The following PLCB1 variants were observed in gnomAD, a reference collection of about 807,000 sequenced individuals.
PLCB1 encodes the protein 1-phosphatidylinositol 4,5-bisphosphate phosphodiesterase beta-1.
A neutral mutation model predicts 161.8 loss-of-function variants in PLCB1; 46 were observed. The ratio of observed to expected loss-of-function variants is 0.28; its 90% confidence interval spans 0.22 to 0.36. The LOEUF is 0.36. Ranked by LOEUF, PLCB1 falls within the 10% of genes least tolerant of loss-of-function variation. The pLI, the probability that PLCB1 is intolerant of heterozygous loss-of-function variation, is 1.00. For synonymous variants in PLCB1, 517 were observed against 503.7 expected (o/e 1.03, Z -0.35); for missense variants, 1,016 against 1,472.5 (o/e 0.69, Z 5.07).
intron 3 of PLCB1, among the ~76,000 whole-genome samples, chr20:8,454,582 G>C (rs1981214577): frequency 6.6e-6 from 1 of 152,110 alleles, no homozygotes. Flanking sequence ...AACGAGTCAG[G>C]ATGACTCACT....
intron 3 of PLCB1, among the ~76,000 whole-genome samples, chr20:8,608,232 A>C (rs1266239521): frequency 6.6e-6 from 1 of 152,208 alleles, no homozygotes; most frequent in Non-Finnish European, 1.5e-5. Context: ...AGAGAGCACA[A>C]AATTTAAATA....
chr20:8,183,602 T>C (rs1227306973), intron 2 of PLCB1, among the ~76,000 whole-genome samples: 1 of 152,214 alleles, frequency 6.6e-6, no homozygotes, highest in Admixed American at 6.5e-5. Flanking sequence ...AGAAATTTTG[T>C]TTAGTTTTAT....
chr20:8,396,952 G>C (rs1005634793), intron 3 of PLCB1, among the ~76,000 whole-genome samples: 8 of 151,946 alleles, frequency 5.3e-5, no homozygotes, highest in African/African-American at 1.9e-4. Flanking sequence ...GCTATTATAG[G>C]TAAATCTGAA....
intron 3 of PLCB1, among the ~76,000 whole-genome samples, chr20:8,600,495 C>G (rs1393250739): frequency 1.5e-4 from 22 of 150,642 alleles, no homozygotes; most frequent in Non-Finnish European, 2.1e-4. Flanking sequence ...AACCACTGCT[C>G]TCTTCAAAGC....
chr20:8,445,113 T>A (rs1172854794), intron 3 of PLCB1, among the ~76,000 whole-genome samples: 1 of 152,194 alleles, frequency 6.6e-6, no homozygotes, highest in African/African-American at 2.4e-5. Flanking sequence ...AGACATGAAG[T>A]CCTTGCCCAT....
intron 31 of PLCB1, among the ~76,000 whole-genome samples, chr20:8,803,119 C>T (rs1984362121): frequency 6.6e-6 from 1 of 152,034 alleles, no homozygotes; most frequent in South Asian, 2.1e-4. Flanking sequence ...ATGAGTTATT[C>T]CTCTTCCTCG....
At chr20:8,630,002 CTTTCTTTCTCTTTCTTCTTTCCT>C (rs1988528488) in intron 4 of PLCB1, among the ~76,000 whole-genome samples, 1 of 55,752 alleles carries the variant, frequency 1.8e-5, no homozygotes, top group Non-Finnish European at 3.6e-5. Flanking sequence ...TTCTTTCTTT[CTTTCTTTCTCTTTCTTCTTTCCT>C]TTCTTTCCTC....
chr20:8,701,527 A>G (rs935235985), intron 11 of PLCB1, among the ~76,000 whole-genome samples: 1 of 151,960 alleles, frequency 6.6e-6, no homozygotes, highest in Non-Finnish European at 1.5e-5. Flanking sequence ...TGACACCCCC[A>G]CTTTTTAGTA....
intron 2 of PLCB1, among the ~76,000 whole-genome samples, chr20:8,220,572 C>T (rs975585102): frequency 6.6e-5 from 10 of 152,206 alleles, no homozygotes; most frequent in Admixed American, 1.3e-4. Flanking sequence ...TGGCGGAGGC[C>T]GAGATTGGGG....
intron 3 of PLCB1, among the ~76,000 whole-genome samples, chr20:8,379,799 ATTTGT>A (rs1280631177): frequency 6.6e-6 from 1 of 151,034 alleles, no homozygotes; most frequent in African/African-American, 2.4e-5. Flanking sequence ...TGATGGTGGT[ATTTGT>A]TTTGTTTTGT....
intron 7 of PLCB1, chr20:8,651,287 T>C: frequency 1.6e-6 from 1 of 612,682 alleles, no homozygotes; most frequent in Non-Finnish European, 2.9e-6. Flanking sequence ...TATTGAGTGC[T>C]ATGGTTAAAT....
chr20:8,255,781 A>G (rs1981378604), intron 2 of PLCB1, among the ~76,000 whole-genome samples: 1 of 152,050 alleles, frequency 6.6e-6, no homozygotes, highest in Admixed American at 6.6e-5. Context: ...TCGATATTCA[A>G]AAGACCAATA....
At chr20:8,879,467 CAAATT>C (rs1455123825) in intron 31 of PLCB1, among the ~76,000 whole-genome samples, 1 of 152,010 alleles carries the variant, frequency 6.6e-6, no homozygotes. Flanking sequence ...CAAAATCAAA[CAAATT>C]AATATGTCTG....
At chr20:8,214,343 A>G (rs988252449) in intron 2 of PLCB1, among the ~76,000 whole-genome samples, 10 of 152,080 alleles carry the variant, frequency 6.6e-5, no homozygotes, top group Admixed American at 6.6e-5. Context: ...TCCTCACGAC[A>G]GTGATTGACT....
intron 2 of PLCB1, among the ~76,000 whole-genome samples, chr20:8,338,026 T>C (rs1488367810): frequency 6.6e-6 from 1 of 152,184 alleles, no homozygotes; most frequent in African/African-American, 2.4e-5. Context: ...GAAAGGTGCC[T>C]GTAACCAAGA....
chr20:8,292,101 T>C (rs1402460988), intron 2 of PLCB1, among the ~76,000 whole-genome samples: 1 of 152,154 alleles, frequency 6.6e-6, no homozygotes, highest in Non-Finnish European at 1.5e-5. Context: ...CAGTGTGGTT[T>C]TATGCTTATG....
intron 2 of PLCB1, among the ~76,000 whole-genome samples, chr20:8,316,236 A>G (rs1163659765): frequency 1.3e-5 from 2 of 152,176 alleles, no homozygotes; most frequent in Non-Finnish European, 2.9e-5. Flanking sequence ...GGCAGGACAG[A>G]AAGTTCCAAG....
At chr20:8,365,980 A>C (rs1986698866) in intron 2 of PLCB1, among the ~76,000 whole-genome samples, 1 of 151,930 alleles carries the variant, frequency 6.6e-6, no homozygotes, top group Admixed American at 6.6e-5. Context: ...AGTGGATTTC[A>C]TGTCTCATCT....
chr20:8,518,218 G>C (rs1984213968), intron 3 of PLCB1, among the ~76,000 whole-genome samples: 1 of 151,996 alleles, frequency 6.6e-6, no homozygotes, highest in Non-Finnish European at 1.5e-5. Flanking sequence ...TTGTTTTTAA[G>C]ATAGGTTCTC....
Sources: allele counts gnomAD v4.1 joint callset (sites outside exome capture counted in the v4.1 genomes callset), GRCh38; gene constraint gnomAD v4.1.1; transcripts MANE v1.5; gene names NCBI Gene and HGNC (gene_info 2026-07-23, HGNC 2026-07-21).